The following PCCA variants were observed in gnomAD, a reference collection of about 807,000 sequenced individuals.
PCCA encodes the protein propionyl-CoA carboxylase alpha chain, mitochondrial.
A neutral mutation model predicts 101.3 loss-of-function variants in PCCA; 74 were observed. The ratio of observed to expected loss-of-function variants is 0.73; its 90% CI spans 0.61 to 0.89. The LOEUF (loss-of-function observed/expected upper bound fraction) is 0.89. Ranked by LOEUF, PCCA falls within the 40% of genes least tolerant of loss-of-function variation. The pLI is 0.00. For missense variants in PCCA, 891 were observed against 907.0 expected, an observed-to-expected ratio of 0.98 and a Z score of 0.23; for synonymous variants, 294 against 313.6, an observed-to-expected ratio of 0.94 and a Z score of 0.66.
chr13:100,352,413 T>TG (rs887314367), intron 18 of PCCA, among the ~76,000 whole-genome samples: 7 of 151,904 alleles, frequency 4.6e-5, no homozygotes, highest in African/African-American at 1.7e-4. Flanking sequence ...TTTTTTTTTT[T>TG]TTGAGATAGG....
chr13:100,285,847 G>A (rs2064586414), intron 12 of PCCA, among the ~76,000 whole-genome samples: 1 of 152,162 alleles, frequency 6.6e-6, no homozygotes, highest in African/African-American at 2.4e-5. Context: ...CATTTGTGGA[G>A]AATGGGATAC....
intron 6 of PCCA, among the ~76,000 whole-genome samples, chr13:100,189,524 AGGTTTTCTCCCACTCTGTG>A (rs1308217791): frequency 6.6e-6 from 1 of 152,098 alleles, no homozygotes; most frequent in Non-Finnish European, 1.5e-5. Context: ...TAGATTGCGA[AGGTTTTCTCCCACTCTGTG>A]GGTTTTCTGT....
At chr13:100,400,627 G>GTTTTTTTTTTTTTTTTTTTT (rs763331038) in intron 19 of PCCA, among the ~76,000 whole-genome samples, 9 of 80,242 alleles carry the variant, frequency 1.1e-4, no homozygotes, top group African/African-American at 1.9e-4. Flanking sequence ...GTTCTTTTTA[G>GTTTTTTTTTTTTTTTTTTTT]TTCTTTTTTT....
At chr13:100,307,738 A>C (rs752577930) in intron 15 of PCCA, among the ~76,000 whole-genome samples, 3 of 152,188 alleles carry the variant, frequency 2.0e-5, no homozygotes, top group Non-Finnish European at 2.9e-5. Flanking sequence ...TGTTTTGCCC[A>C]CCTGTCTTTT....
At chr13:100,351,536 A>G (rs941486403) in intron 18 of PCCA, among the ~76,000 whole-genome samples, 1 of 152,124 alleles carries the variant, frequency 6.6e-6, no homozygotes, top group African/African-American at 2.4e-5. Context: ...ATTTTTCAGT[A>G]TAATGCTTTT....
At chr13:100,150,174 T>G (rs949360425) in intron 4 of PCCA, among the ~76,000 whole-genome samples, 2 of 151,860 alleles carry the variant, frequency 1.3e-5, no homozygotes, top group African/African-American at 4.8e-5. Context: ...ATTACAGGCA[T>G]GCACCATTAC....
At chr13:100,481,885 T>G (rs2083969658) in intron 21 of PCCA, among the ~76,000 whole-genome samples, 1 of 152,234 alleles carries the variant, frequency 6.6e-6, no homozygotes, top group Non-Finnish European at 1.5e-5. Context: ...ATATAAAGTT[T>G]ACAGTTCCTG....
At chr13:100,415,228 C>A (rs1330700254) in intron 19 of PCCA, among the ~76,000 whole-genome samples, 4 of 121,860 alleles carry the variant, frequency 3.3e-5, no homozygotes. Flanking sequence ...CATAGTGAGA[C>A]CACACCTCTA....
At chr13:100,528,889 C>T (rs975781944) in intron 23 of PCCA, among the ~76,000 whole-genome samples, 1 of 152,148 alleles carries the variant, frequency 6.6e-6, no homozygotes, top group African/African-American at 2.4e-5. Context: ...AGAACTTGGC[C>T]TAGGTGTGGG....
intron 9 of PCCA, among the ~76,000 whole-genome samples, chr13:100,258,439 G>A (rs1005932765): frequency 1.3e-5 from 2 of 152,204 alleles, no homozygotes; most frequent in African/African-American, 4.8e-5. Context: ...TAAAGAAGTC[G>A]AATACAACTT....
At chr13:100,387,050 C>T (rs561139940) in intron 19 of PCCA, among the ~76,000 whole-genome samples, 17 of 152,250 alleles carry the variant, frequency 1.1e-4, no homozygotes, top group African/African-American at 4.1e-4. Context: ...TCCGGGGAAG[C>T]AATCAGAAAA....
At chr13:100,528,718 G>A (rs529113875) in intron 23 of PCCA, among the ~76,000 whole-genome samples, 1 of 152,340 alleles carries the variant, frequency 6.6e-6, no homozygotes, top group South Asian at 2.1e-4. Context: ...GGTGTGAAGA[G>A]TAGAATGACA....
At chr13:100,470,119 A>G (rs2082883730) in intron 21 of PCCA, among the ~76,000 whole-genome samples, 1 of 152,156 alleles carries the variant, frequency 6.6e-6, no homozygotes, top group Non-Finnish European at 1.5e-5. Flanking sequence ...TGCTACCAAA[A>G]ATAGAGTGGG....
chr13:100,509,188 G>A (rs550584824), intron 21 of PCCA, among the ~76,000 whole-genome samples: 5 of 152,270 alleles, frequency 3.3e-5, no homozygotes, highest in African/African-American at 4.8e-5. Context: ...GCACTTGCCA[G>A]TAGACGGATA....
intron 18 of PCCA, among the ~76,000 whole-genome samples, chr13:100,345,301 G>C (rs1004484966): frequency 2.0e-5 from 3 of 152,218 alleles, no homozygotes; most frequent in Non-Finnish European, 4.4e-5. Flanking sequence ...GAAATTAAAA[G>C]TGCTATTCCA....
chr13:100,165,636 T>C (rs2152404078), intron 6 of PCCA, among the ~76,000 whole-genome samples: 1 of 152,356 alleles, frequency 6.6e-6, no homozygotes, highest in Non-Finnish European at 1.5e-5. Context: ...ATTTGTGTTT[T>C]CCTCTACTCA....
chr13:100,327,142 C>A (rs558143338), intron 16 of PCCA, among the ~76,000 whole-genome samples: 1 of 152,208 alleles, frequency 6.6e-6, no homozygotes, highest in Admixed American at 6.5e-5. Context: ...TACGTATACA[C>A]CTGTGAAACC....
chr13:100,268,646 T>G, intron 10 of PCCA, 43 bp from the exon 11 acceptor site: 1 of 1,332,122 alleles, frequency 7.5e-7, no homozygotes, highest in Non-Finnish European at 1.1e-6. Flanking sequence ...ATCTACTTTG[T>G]GGGTGTGGTT....
chr13:100,416,419 T>C (rs980405525), intron 19 of PCCA, among the ~76,000 whole-genome samples: 2 of 151,926 alleles, frequency 1.3e-5, no homozygotes, highest in African/African-American at 4.8e-5. Context: ...TGACCTCAAG[T>C]ACTCCGCCCG....
Sources: allele counts gnomAD v4.1 joint callset (sites outside exome capture counted in the v4.1 genomes callset), GRCh38; gene constraint gnomAD v4.1.1; transcripts MANE v1.5; gene names NCBI Gene and HGNC (gene_info 2026-07-23, HGNC 2026-07-21).